The following BMPR1B variants were observed in gnomAD, a reference collection of about 807,000 sequenced individuals.
BMPR1B encodes the protein bone morphogenetic protein receptor type-1B.
A neutral mutation model predicts 59.1 loss-of-function variants in BMPR1B; 12 were observed. The observed-to-expected ratio is 0.20, with a 90% CI of 0.13 to 0.33. The LOEUF (loss-of-function observed/expected upper bound fraction) is 0.33. BMPR1B is among the 10% of genes least tolerant of loss of function. The pLI is 1.00. For missense variants in BMPR1B, 550 were observed against 610.9 expected (o/e 0.90, Z 1.05); for synonymous variants, 237 against 207.3 (o/e 1.14, Z -1.23).
intron 2 of BMPR1B, among the ~76,000 whole-genome samples, chr4:94,890,846 T>C (rs13116658): frequency 0.2 from 30,513 of 151,864 alleles, 3,100 homozygotes; most frequent in South Asian, 0.32. Flanking sequence ...TCCCAAAGGC[T>C]CCATTTCTGA....
chr4:95,070,262 T>C (rs1233272204), intron 3 of BMPR1B, among the ~76,000 whole-genome samples: 2 of 152,186 alleles, frequency 1.3e-5, no homozygotes, highest in Non-Finnish European at 1.5e-5. Flanking sequence ...GGCATCTTCT[T>C]AACGTCATCA....
chr4:95,142,233 G>C lies in BMPR1B; in HGVS notation c.1077-6515G>C, dbSNP rs150659451. On this transcript the variant is annotated intron_variant, in intron 10 of 12. Transcript: ENST00000515059. The stretch of plus-strand genomic sequence containing the variant: ...TTCAATTCTGCAAGTCAGTTCCTCA[G>C]CTATCTCCAGGATGCCACAGGAAAC... Among the ~76,000 whole-genome samples the C allele has an allele frequency of 1.4e-3, 207 of 152,260 alleles. 2 individuals carry two copies. The Middle Eastern group carries it at 0.017, about 13-fold the overall frequency.
intron 10 of BMPR1B, among the ~76,000 whole-genome samples, chr4:95,142,456 T>TC (rs1012392033): frequency 1.3e-5 from 2 of 152,148 alleles, no homozygotes; most frequent in African/African-American, 2.4e-5. Context: ...TCCTTTTTTT[T>TC]CCACACACTC....
intron 12 of BMPR1B, among the ~76,000 whole-genome samples, chr4:95,154,008 T>C (rs1735239523): frequency 6.6e-6 from 1 of 152,194 alleles, no homozygotes; most frequent in Admixed American, 6.5e-5. Context: ...ACTTGATATC[T>C]CTTCACTGAG....
At chr4:94,854,793 C>T (rs574056424) in intron 1 of BMPR1B, among the ~76,000 whole-genome samples, 5 of 152,184 alleles carry the variant, frequency 3.3e-5, no homozygotes, top group South Asian at 2.1e-4. Flanking sequence ...GCCAAAAATG[C>T]GATAACTTAT....
rs1291613835 is a variant in BMPR1B, at chr4:95,034,751, GC to G, written c.-18+38618del. Reference sequence around the variant, plus strand: ...TGCTATAAACAGGTGTGTACATGTGGCTTTTTCATATAATAACTTTTTTTTC... The same window carrying G: ...TGCTATAAACAGGTGTGTACATGTGGTTTTTCATATAATAACTTTTTTTTC... On this transcript the variant is annotated intron_variant, in intron 3 of 12. Coordinates refer to ENST00000515059, the MANE Select transcript of BMPR1B (RefSeq NM_001203.3). 9.2e-5 allele frequency among the ~76,000 whole-genome samples: 14 copies of G among 151,540 alleles called. No homozygotes were observed. In the South Asian group the frequency reaches 2.9e-3, roughly 32 times the overall value.
At chr4:94,987,040 C>CA (rs1375900593) in intron 2 of BMPR1B, among the ~76,000 whole-genome samples, 23 of 14,770 alleles carry the variant, frequency 1.6e-3, no homozygotes, top group Admixed American at 4.1e-3. Context: ...GACTCTGTCT[C>CA]AAAAAAAATA....
At chr4:94,993,195 C>T (rs1403909491) in intron 2 of BMPR1B, among the ~76,000 whole-genome samples, 1 of 152,076 alleles carries the variant, frequency 6.6e-6, no homozygotes, top group Non-Finnish European at 1.5e-5. Context: ...GTGCCCAGCC[C>T]AGTATATAGC....
chr4:94,789,242 C>T (rs910742803), intron 1 of BMPR1B, among the ~76,000 whole-genome samples: 6 of 152,156 alleles, frequency 3.9e-5, no homozygotes, highest in African/African-American at 1.2e-4. Flanking sequence ...ACCCACTTAC[C>T]GAGTTTTTTC....
At chr4:94,983,202 C>T (rs1721202964) in intron 2 of BMPR1B, among the ~76,000 whole-genome samples, 1 of 152,068 alleles carries the variant, frequency 6.6e-6, no homozygotes, top group South Asian at 2.1e-4. Flanking sequence ...GCTTTGTTTT[C>T]CCAAATATTA....
intron 2 of BMPR1B, among the ~76,000 whole-genome samples, chr4:94,893,117 T>C (rs933885719): frequency 1.3e-5 from 2 of 151,992 alleles, no homozygotes; most frequent in Non-Finnish European, 2.9e-5. Flanking sequence ...AAAAGGAAAA[T>C]ATAATGTGAA....
chr4:95,080,739 A>G (rs975844277), intron 3 of BMPR1B, among the ~76,000 whole-genome samples: 2 of 152,212 alleles, frequency 1.3e-5, no homozygotes, highest in African/African-American at 4.8e-5. Flanking sequence ...GTGTGCTCAC[A>G]GTGAAAACAA....
chr4:94,920,225 C>T (rs556673568), intron 2 of BMPR1B, among the ~76,000 whole-genome samples: 1 of 152,178 alleles, frequency 6.6e-6, no homozygotes, highest in African/African-American at 2.4e-5. Context: ...ACTACTTTTC[C>T]CATATGCAAG....
At chr4:94,782,698 ATCT>A (rs1722630954) in intron 1 of BMPR1B, among the ~76,000 whole-genome samples, 1 of 152,166 alleles carries the variant, frequency 6.6e-6, no homozygotes, top group East Asian at 1.9e-4. Flanking sequence ...TCATCACATC[ATCT>A]TTTATTTCTT....
rs1730248386 is a variant in BMPR1B at position 95,094,848 on chromosome 4, C to G, written c.-17-9560C>G. Among the ~76,000 whole-genome samples the G allele has an allele frequency of 2.0e-5, 3 of 152,208 alleles. No individual in the cohort carries two copies. In the South Asian group the frequency reaches 6.2e-4, roughly 32 times the overall value. ...ACCAACATCTTCCCTTATCTTTTAT[C>G]TGATTTCTGTCTGTTGAAGGAGAAA... On this transcript the variant is annotated intron_variant, in intron 3 of 12. Coordinates refer to ENST00000515059, the MANE Select transcript of BMPR1B (RefSeq NM_001203.3).
At chr4:95,045,416 T>A (rs932472806) in intron 3 of BMPR1B, among the ~76,000 whole-genome samples, 1 of 152,168 alleles carries the variant, frequency 6.6e-6, no homozygotes, top group Admixed American at 6.5e-5. Flanking sequence ...CTTCTAATTA[T>A]GGGCTACAAG....
rs57447983 is a variant in BMPR1B at position 94,761,415 on chromosome 4, CTGTGTGTGTGTGTGTGTGTGTGTGTG to C, written c.-183+3369_-183+3394del. ...GACTTACATTTTCCGCTGTATAATT[CTGTGTGTGTGTGTGTGTGTGTGTGTG>C]TGTGTGTGTGTGTGTGTGTGTTGAA... On this transcript the variant is annotated intron_variant, in intron 1 of 12. Coordinates refer to ENST00000515059, the MANE Select transcript of BMPR1B (RefSeq NM_001203.3). Among the ~76,000 whole-genome samples, 1,001 of 141,284 alleles carry C rather than the reference CTGTGTGTGTGTGTGTGTGTGTGTGTG, an allele frequency of 7.1e-3. 11 individuals carry two copies. Among genetic ancestry groups the C allele is most frequent in the African/African-American group, 0.024 (909 of 38,060 alleles). 92.7% of individuals were successfully genotyped at this position (141,284 alleles called of 152,430 possible). A position where few individuals can be genotyped will look rare whatever the true frequency, so the allele number is the denominator to read the frequency against.
At chr4:94,919,531 C>A (rs543057774) in intron 2 of BMPR1B, among the ~76,000 whole-genome samples, 6 of 151,590 alleles carry the variant, frequency 4.0e-5, no homozygotes, top group Non-Finnish European at 8.8e-5. Flanking sequence ...CATTACTACC[C>A]CCTTTATCCA....
intron 3 of BMPR1B, among the ~76,000 whole-genome samples, chr4:95,041,200 C>T (rs546774643): frequency 6.6e-6 from 1 of 152,296 alleles, no homozygotes; most frequent in African/African-American, 2.4e-5. Flanking sequence ...TCGTGCACCA[C>T]CACACCTGGC....
Sources: allele counts gnomAD v4.1 joint callset (sites outside exome capture counted in the v4.1 genomes callset), GRCh38; gene constraint gnomAD v4.1.1; transcripts MANE v1.5; gene names NCBI Gene and HGNC (gene_info 2026-07-23, HGNC 2026-07-21).